The following DPYD variants were observed in gnomAD, a reference collection of about 807,000 sequenced individuals.
DPYD encodes dihydropyrimidine dehydrogenase.
A neutral mutation model predicts 116.2 loss-of-function variants in DPYD; 109 were observed. The observed-to-expected ratio is 0.94, with a 90% CI of 0.80 to 1.10. DPYD has a LOEUF of 1.10. Among genes scored for constraint, DPYD ranks in the 50% least tolerant of loss-of-function variants. DPYD has a pLI of 0.00. For missense variants in DPYD, 1,302 were observed against 1,254.5 expected, an observed-to-expected ratio of 1.04 and a Z score of -0.57; for synonymous variants, 440 against 432.0, an observed-to-expected ratio of 1.02 and a Z score of -0.23.
chr1:97,428,579 T>G (rs951640508), intron 14 of DPYD, among the ~76,000 whole-genome samples: 7 of 152,100 alleles, frequency 4.6e-5, no homozygotes, highest in Non-Finnish European at 8.8e-5. Flanking sequence ...AACCGGGAGA[T>G]CCTATGCTAG....
At chr1:97,711,816 C>T (rs746098665) in intron 5 of DPYD, among the ~76,000 whole-genome samples, 2 of 151,840 alleles carry the variant, frequency 1.3e-5, no homozygotes, top group Admixed American at 6.6e-5. Context: ...TTTTTTACAT[C>T]TTTATTTTTA....
At chr1:97,149,298 C>A (rs1380232907) in intron 20 of DPYD, among the ~76,000 whole-genome samples, 1 of 152,170 alleles carries the variant, frequency 6.6e-6, no homozygotes, top group African/African-American at 2.4e-5. Flanking sequence ...GTCACCCACG[C>A]TGGAGTGCAG....
intron 7 of DPYD, among the ~76,000 whole-genome samples, chr1:97,688,169 CAAAT>C (rs1174256055): frequency 3.3e-5 from 5 of 152,012 alleles, no homozygotes; most frequent in Non-Finnish European, 7.4e-5. Context: ...AAGAGACTAA[CAAAT>C]AAGAATAGCA....
intron 20 of DPYD, among the ~76,000 whole-genome samples, chr1:97,121,298 T>C (rs1217533687): frequency 1.3e-5 from 2 of 152,122 alleles, no homozygotes; most frequent in Non-Finnish European, 2.9e-5. Flanking sequence ...AATCATCCCA[T>C]TGACATTAAA....
At chr1:97,110,957 T>C (rs970938172) in intron 20 of DPYD, among the ~76,000 whole-genome samples, 8 of 151,976 alleles carry the variant, frequency 5.3e-5, no homozygotes, top group Non-Finnish European at 1.2e-4. Context: ...AACTTGAGCC[T>C]AGGGGTTTGA....
At position 97,720,925 on chromosome 1, in the gene DPYD, G is replaced by C; in HGVS notation, c.483+585C>G. Reference sequence around the variant, plus strand: ...CATTAAAGAGAAAGCCAGGATCAAAGTCTATGGGATAAACAGAAAAAAAAG... The same window carrying C: ...CATTAAAGAGAAAGCCAGGATCAAACTCTATGGGATAAACAGAAAAAAAAG... On this transcript the variant is annotated intron_variant, in intron 5 of 22. Coordinates refer to ENST00000370192, the MANE Select transcript of DPYD (RefSeq NM_000110.4). The C allele has an allele frequency of 2.5e-6, 4 of 1,609,036 alleles. No homozygotes were observed. In the South Asian group the frequency reaches 4.4e-5, roughly 18 times the overall value.
At chr1:97,645,299 A>C (rs1037845737) in intron 8 of DPYD, among the ~76,000 whole-genome samples, 1 of 152,140 alleles carries the variant, frequency 6.6e-6, no homozygotes, top group African/African-American at 2.4e-5. Flanking sequence ...ACAATTTGTC[A>C]GTGTGATAGA....
At position 97,662,070 on chromosome 1, in the gene DPYD, A is replaced by T. The variant is rs548412741; in HGVS notation, c.850+17025T>A. The stretch of plus-strand genomic sequence containing the variant: ...AGTGCAGTGGCATGATCCCGGCTCC[A>T]GCTCACTGCAACCTCCGCCTCCCAG... On this transcript the variant is annotated intron_variant, in intron 8 of 22. Transcript: ENST00000370192. Among the ~76,000 whole-genome samples, 3 of 134,936 alleles carry T rather than the reference A, an allele frequency of 2.2e-5. 1 individual carries two copies. The South Asian group carries it at 7.1e-4, about 32-fold the overall frequency. The allele number at this position is 134,936 out of a possible 152,430, so 88.5% of individuals were successfully genotyped here. A position where few individuals can be genotyped will look rare whatever the true frequency, so the allele number is the denominator to read the frequency against.
chr1:97,514,891 T>A (rs1648099798), intron 13 of DPYD, among the ~76,000 whole-genome samples: 1 of 151,972 alleles, frequency 6.6e-6, no homozygotes, highest in African/African-American at 2.4e-5. Flanking sequence ...TGTTCTCTAT[T>A]ATTTTCTTTG....
intron 18 of DPYD, among the ~76,000 whole-genome samples, chr1:97,281,290 A>G (rs72726675): frequency 5.3e-5 from 8 of 152,076 alleles, no homozygotes; most frequent in Non-Finnish European, 1.2e-4. Context: ...CCACATAGAA[A>G]AGAGCTGAGA....
At chr1:97,201,523 C>T (rs1384705197) in intron 19 of DPYD, among the ~76,000 whole-genome samples, 1 of 152,020 alleles carries the variant, frequency 6.6e-6, no homozygotes, top group Non-Finnish European at 1.5e-5. Context: ...CATGGCATTG[C>T]TTACTGGAAT....
At chr1:97,318,522 AG>A (rs1668009759) in intron 16 of DPYD, among the ~76,000 whole-genome samples, 1 of 152,010 alleles carries the variant, frequency 6.6e-6, no homozygotes, top group African/African-American at 2.4e-5. Context: ...ATTCAACAAG[AG>A]GAGCTAACTA....
intron 3 of DPYD, among the ~76,000 whole-genome samples, chr1:97,823,855 C>G (rs1373553219): frequency 7.8e-6 from 1 of 128,480 alleles, no homozygotes; most frequent in Non-Finnish European, 1.6e-5. Flanking sequence ...TGAAGTGAGA[C>G]TACAAAGTCT....
intron 20 of DPYD, among the ~76,000 whole-genome samples, chr1:97,139,580 C>T (rs1654062619): frequency 6.6e-6 from 1 of 152,146 alleles, no homozygotes; most frequent in Non-Finnish European, 1.5e-5. Flanking sequence ...TCATTACATC[C>T]TTGGTTTTAA....
At position 97,804,288 on chromosome 1, in the gene DPYD, A is replaced by C. The variant is rs1038827160; in HGVS notation, c.233+23826T>G. On this transcript the variant is annotated intron_variant, in intron 3 of 22. Transcript: ENST00000370192. The stretch of plus-strand genomic sequence containing the variant: ...TTACTAAGGATCAAACTACAAGAAT[A>C]CTAAAAGATTTTACTTTACATAAAG... Among the ~76,000 whole-genome samples, 4 of 151,906 alleles carry C rather than the reference A, an allele frequency of 2.6e-5. No individual in the cohort carries two copies. The East Asian group carries it at 7.7e-4, about 29-fold the overall frequency.
intron 5 of DPYD, among the ~76,000 whole-genome samples, chr1:97,705,578 G>C (rs1473235498): frequency 1.3e-5 from 2 of 151,700 alleles, no homozygotes; most frequent in Non-Finnish European, 2.9e-5. Context: ...ATTGTGAATA[G>C]TGCCGCAATA....
chr1:97,123,965 G>A (rs1652639734), intron 20 of DPYD, among the ~76,000 whole-genome samples: 1 of 152,072 alleles, frequency 6.6e-6, no homozygotes, highest in African/African-American at 2.4e-5. Flanking sequence ...GCCAAATATG[G>A]TCTGCCATTG....
intron 16 of DPYD, among the ~76,000 whole-genome samples, chr1:97,336,515 G>A (rs536684711): frequency 4.5e-4 from 69 of 152,236 alleles, no homozygotes; most frequent in African/African-American, 1.2e-3. Context: ...TTGGGAGGCC[G>A]AGGTGGGCAG....
intron 3 of DPYD, among the ~76,000 whole-genome samples, chr1:97,769,751 A>G (rs1313063454): frequency 6.6e-6 from 1 of 152,226 alleles, no homozygotes. Flanking sequence ...ATTATTTTAA[A>G]AATCACTGTC....
Sources: allele counts gnomAD v4.1 joint callset (sites outside exome capture counted in the v4.1 genomes callset), GRCh38; gene constraint gnomAD v4.1.1; transcripts MANE v1.5; gene names NCBI Gene and HGNC (gene_info 2026-07-23, HGNC 2026-07-21).